TMEM135: variants seen among roughly 807,000 people sequenced by gnomAD.
TMEM135 encodes transmembrane protein 135.
A neutral mutation model predicts 60.3 loss-of-function variants in TMEM135; 30 were observed. The ratio of observed to expected loss-of-function variants is 0.50; its 90% CI spans 0.37 to 0.68. TMEM135 has a LOEUF of 0.68. TMEM135 is among the 30% of genes least tolerant of loss of function. TMEM135 has a pLI of 0.00. For missense variants in TMEM135, 468 were observed against 548.8 expected (o/e 0.85, Z 1.47); for synonymous variants, 190 against 186.7 (o/e 1.02, Z -0.14).
At chr11:87,173,345 G>C (rs1409916043) in intron 5 of TMEM135, among the ~76,000 whole-genome samples, 1 of 152,114 alleles carries the variant, frequency 6.6e-6, no homozygotes, top group Non-Finnish European at 1.5e-5. Context: ...CAGATCTAGT[G>C]TTCCTTCTTT....
At chr11:87,158,257 A>C (rs1226181681) in intron 5 of TMEM135, among the ~76,000 whole-genome samples, 1 of 151,992 alleles carries the variant, frequency 6.6e-6, no homozygotes, top group African/African-American at 2.4e-5. Flanking sequence ...ATTAAGTTTG[A>C]TGTTATTTAA....
At position 87,327,005 on chromosome 11, in the gene TMEM135, G is replaced by A; in HGVS notation, c.*5672G>A. On this transcript the variant is annotated 3_prime_UTR_variant, in exon 15 of 15. Transcript: ENST00000305494. ...AGTCATTGTTAATTGCTCAACTAGT[G>A]GCAGTTTTTCCTTGCTGAGGGAACA... 2.2e-6 allele frequency: 1 copy of A among 452,652 alleles called. No homozygotes were observed. The highest frequency in any genetic ancestry group is 1.6e-5 in the South Asian group (1 of 64,390). 28.0% of individuals were successfully genotyped at this position (452,652 alleles called of 1,614,324 possible). A position where few individuals can be genotyped will look rare whatever the true frequency, so the allele number is the denominator to read the frequency against.
chr11:87,098,626 A>T (rs1323688217), intron 4 of TMEM135, among the ~76,000 whole-genome samples: 2 of 152,126 alleles, frequency 1.3e-5, no homozygotes, highest in Non-Finnish European at 2.9e-5. Flanking sequence ...ACCTGAAAAG[A>T]ATCTAAAACA....
chr11:87,209,621 G>C (rs1354171638), intron 5 of TMEM135, among the ~76,000 whole-genome samples: 5 of 152,062 alleles, frequency 3.3e-5, no homozygotes, highest in African/African-American at 1.2e-4. Flanking sequence ...CACCCTACTA[G>C]ACAGATCATT....
At chr11:87,055,671 A>G (rs758919774) in intron 1 of TMEM135, among the ~76,000 whole-genome samples, 1 of 151,814 alleles carries the variant, frequency 6.6e-6, no homozygotes, top group South Asian at 2.1e-4. Context: ...GCTCACGCCA[A>G]CCTCCGCCTC....
chr11:87,153,381 A>C (rs980924029), intron 4 of TMEM135, among the ~76,000 whole-genome samples: 1 of 152,132 alleles, frequency 6.6e-6, no homozygotes, highest in Non-Finnish European at 1.5e-5. Flanking sequence ...CCAGTTTTCA[A>C]ATTAGTTGAT....
At chr11:87,249,025 G>T (rs1312667527) in intron 6 of TMEM135, among the ~76,000 whole-genome samples, 1 of 151,926 alleles carries the variant, frequency 6.6e-6, no homozygotes. Context: ...GTTTTTCCAT[G>T]TCTATCATCT....
rs1949823654 is a variant in TMEM135, at chr11:87,049,590, G to C, written c.141+11404G>C. 1.6e-5 allele frequency among the ~76,000 whole-genome samples: 2 copies of C among 125,376 alleles called. 1 individual carries two copies. Among genetic ancestry groups the C allele is most frequent in the Non-Finnish European group, 3.5e-5 (2 of 57,578 alleles). The allele number at this position is 125,376 out of a possible 152,430, so 82.3% of individuals were successfully genotyped here. On this transcript the variant is annotated intron_variant, in intron 1 of 14. Coordinates refer to ENST00000305494, the MANE Select transcript of TMEM135 (RefSeq NM_022918.4). ...AAGAAGGCCATTACATAATGGTAAA[G>C]GGATCAATTCAACAAGAGAAGCTAA...
chr11:87,045,688 A>G (rs1205920212), intron 1 of TMEM135, among the ~76,000 whole-genome samples: 1 of 152,246 alleles, frequency 6.6e-6, no homozygotes, highest in Non-Finnish European at 1.5e-5. Flanking sequence ...GATAGAGATT[A>G]GTCTGAATAA....
chr11:87,170,032 C>CACGCGTTATTTTATTAA (rs147009946), intron 5 of TMEM135, among the ~76,000 whole-genome samples: 1 of 150,752 alleles, frequency 6.6e-6, no homozygotes, highest in African/African-American at 2.4e-5. Flanking sequence ...ATCTTGTCTT[C>CACGCGTTATTTTATTAA]GTTGATCTTC....
intron 6 of TMEM135, among the ~76,000 whole-genome samples, chr11:87,248,963 C>G (rs1941355406): frequency 6.6e-6 from 1 of 152,188 alleles, no homozygotes; most frequent in Non-Finnish European, 1.5e-5. Flanking sequence ...GATTTGGATC[C>G]TGCAACTTTA....
rs115259149 is a variant in TMEM135, at chr11:87,195,819, T to C, written c.462+38413T>C. On this transcript the variant is annotated intron_variant, in intron 5 of 14. Transcript: ENST00000305494. ...CTGTCAATGTTGATGTTCGATGTTA[T>C]TAATAATGAGTAAAATTTGAAGACA... Among the ~76,000 whole-genome samples the C allele has an allele frequency of 2.0e-3, 307 of 152,320 alleles. 6 individuals are homozygous for C. Among genetic ancestry groups the C allele is most frequent in the African/African-American group, 6.9e-3 (288 of 41,574 alleles).
chr11:87,232,890 C>T (rs1406888130), intron 5 of TMEM135, among the ~76,000 whole-genome samples: 9 of 152,258 alleles, frequency 5.9e-5, no homozygotes, highest in African/African-American at 2.2e-4. Context: ...GTAGCTTATA[C>T]CTGTAATCCC....
rs1379008180 is a variant in TMEM135 at position 87,236,584 on chromosome 11, C to A, written c.463-54C>A. On this transcript the variant is annotated intron_variant, in intron 5 of 14. Coordinates refer to ENST00000305494, the MANE Select transcript of TMEM135 (RefSeq NM_022918.4). ...TAGTATTTTGCTTTTATGAGTCACT[C>A]AAATGGTGATGTCAGTGTTCTTTTG... The A allele has an allele frequency of 1.6e-5, 24 of 1,530,666 alleles. No individual in the cohort carries two copies. The East Asian group carries it at 5.4e-4, about 34-fold the overall frequency. 94.8% of individuals were successfully genotyped at this position (1,530,666 alleles called of 1,614,324 possible).
chr11:87,296,236 C>T (rs1942346288), intron 7 of TMEM135, among the ~76,000 whole-genome samples: 1 of 152,146 alleles, frequency 6.6e-6, no homozygotes, highest in Non-Finnish European at 1.5e-5. Flanking sequence ...TCACTAGAGT[C>T]TTTTCACCTC....
intron 2 of TMEM135, 94 bp from the exon 3 acceptor site, chr11:87,071,429 A>C: frequency 3.3e-6 from 3 of 914,142 alleles, no homozygotes; most frequent in South Asian, 1.4e-5. Flanking sequence ...GGTACATTTA[A>C]ATAGAGTATG....
chr11:87,058,871 C>A (rs567963573), intron 1 of TMEM135, among the ~76,000 whole-genome samples: 1 of 152,220 alleles, frequency 6.6e-6, no homozygotes, highest in Admixed American at 6.5e-5. Context: ...CTGCCTGCCT[C>A]ACCCTCCCAA....
chr11:87,183,335 G>T (rs1421597034), intron 5 of TMEM135, among the ~76,000 whole-genome samples: 3 of 151,054 alleles, frequency 2.0e-5, no homozygotes, highest in Non-Finnish European at 4.4e-5. Context: ...TAGTGACGGG[G>T]TTTCACCATG....
intron 2 of TMEM135, among the ~76,000 whole-genome samples, chr11:87,069,917 A>C (rs1173972561): frequency 1.3e-5 from 2 of 152,060 alleles, no homozygotes; most frequent in Non-Finnish European, 2.9e-5. Flanking sequence ...CACACCTGTT[A>C]TCTCAGCACT....
Sources: gnomAD v4.1 joint callset for allele counts (sites outside exome capture counted in the v4.1 genomes callset) on GRCh38, gnomAD v4.1.1 for gene constraint, MANE v1.5 for transcripts, NCBI Gene and HGNC (gene_info 2026-07-23, HGNC 2026-07-21) for gene names.